ZNF765: variants seen among roughly 807,000 people sequenced by gnomAD.
The protein encoded by ZNF765 is zinc finger protein 765.
A neutral mutation model predicts 44.7 loss-of-function variants in ZNF765; 37 were observed. The observed-to-expected ratio is 0.83, with a 90% CI of 0.64 to 1.09. The LOEUF is 1.09. ZNF765 is among the 50% of genes least tolerant of loss of function. The pLI is 0.00. For missense variants in ZNF765, 594 were observed against 626.1 expected, an observed-to-expected ratio of 0.95 and a Z score of 0.55; for synonymous variants, 201 against 213.7, an observed-to-expected ratio of 0.94 and a Z score of 0.52.
At chr19:53,395,740 C>T (rs1301138893) in intron 1 of ZNF765, among the ~76,000 whole-genome samples, 4 of 152,208 alleles carry the variant, frequency 2.6e-5, no homozygotes, top group Admixed American at 1.3e-4. Context: ...GTGCCCGGGG[C>T]CTGTCCTGTG....
chr19:53,401,817 A>C, intron 2 of ZNF765: 1 of 950,122 alleles, frequency 1.1e-6, no homozygotes, highest in Non-Finnish European at 1.6e-6. Context: ...TGGAGGTTGC[A>C]TTGAGCAGAG....
chr19:53,426,775 C>T (rs2085942310), exon 4 of ZNF765: 1 of 151,824 alleles, frequency 6.6e-6, no homozygotes, highest in Non-Finnish European at 1.5e-5. Flanking sequence ...TGAAACCATC[C>T]CCCCATCTGT....
At chr19:53,403,824 A>G (rs2085750856) in intron 3 of ZNF765, among the ~76,000 whole-genome samples, 1 of 140,276 alleles carries the variant, frequency 7.1e-6, no homozygotes, top group South Asian at 2.5e-4. Flanking sequence ...CCTGGGTGAC[A>G]GCACGAGACT....
intron 3 of ZNF765, among the ~76,000 whole-genome samples, chr19:53,420,559 C>T (rs894693627): frequency 6.6e-6 from 1 of 152,094 alleles, no homozygotes; most frequent in Non-Finnish European, 1.5e-5. Context: ...AGATCAGACT[C>T]TTACTGTGTC....
chr19:53,407,029 C>G (rs1268859374), intron 3 of ZNF765, among the ~76,000 whole-genome samples: 1 of 151,442 alleles, frequency 6.6e-6, no homozygotes, highest in Non-Finnish European at 1.5e-5. Context: ...CATTTTTTTT[C>G]AAGATGGAAT....
At position 53,408,423 on chromosome 19, in the gene ZNF765, C is replaced by T. The variant is rs199648986; in HGVS notation, c.868C>T (p.Arg290Cys). 2.3e-4 allele frequency: 365 copies of T among 1,613,920 alleles called. No individual in the cohort carries two copies. Among genetic ancestry groups the T allele is most frequent in the African/African-American group, 9.2e-4 (69 of 74,982 alleles). Residue 290 changes from arginine (R) to cysteine (C), a missense_variant, in exon 4 of 4, where the codon CGT becomes TGT. Physicochemically the swap from Arg to Cys is radical, Grantham distance 180 (BLOSUM62 -3). This residue lies in a region of ZNF765 where 567 missense variants were observed against 572.6 expected (regional missense o/e 0.99). Coordinates refer to ENST00000396408, the MANE Select transcript of ZNF765 (RefSeq NM_001040185.3). ...FSQTYYLTCH[R>C]RLHTGEKPYK... is the part of the protein sequence containing the mutation. ...TCAGACATATTACCTAACATGCCAT[C>T]GTAGACTTCATACTGGAGAGAAACC... is the stretch of plus-strand genomic sequence containing the variant.
intron 1 of ZNF765, among the ~76,000 whole-genome samples, chr19:53,396,751 T>C (rs1302701240): frequency 1.4e-5 from 2 of 146,960 alleles, no homozygotes; most frequent in African/African-American, 2.5e-5. Context: ...CTGTTAGTTT[T>C]TTGGAGTGAA....
intron 3 of ZNF765, among the ~76,000 whole-genome samples, chr19:53,403,649 G>T (rs532299025): frequency 6.6e-6 from 1 of 152,290 alleles, no homozygotes; most frequent in African/African-American, 2.4e-5. Context: ...TTCAAAACCA[G>T]CCTGCCTAAC....
At chr19:53,420,765 A>G (rs2085902181) in intron 3 of ZNF765, among the ~76,000 whole-genome samples, 1 of 152,142 alleles carries the variant, frequency 6.6e-6, no homozygotes, top group Non-Finnish European at 1.5e-5. Context: ...TGCAGGCAGT[A>G]TGCTTGGTAA....
rs2085689326 is a variant in ZNF765 at position 53,398,170 on chromosome 19, C to A, written c.15+140C>A. On this transcript the variant is annotated intron_variant, in intron 2 of 3. Transcript: ENST00000396408. Reference sequence around the variant, plus strand: ...TCACCCATGCCTTCCTTCATTCCCTCTTATCTTGCTTAGATTCCATCTCCC... The same window carrying A: ...TCACCCATGCCTTCCTTCATTCCCTATTATCTTGCTTAGATTCCATCTCCC... 13 of 1,489,296 alleles carry A rather than the reference C, an allele frequency of 8.7e-6. No homozygotes were observed. In the East Asian group the frequency reaches 2.9e-4, roughly 34 times the overall value. The allele number at this position is 1,489,296 out of a possible 1,614,324, so 92.3% of individuals were successfully genotyped here. A position where few individuals can be genotyped will look rare whatever the true frequency, so the allele number is the denominator to read the frequency against.
chr19:53,396,454 A>T (rs2085671581), intron 1 of ZNF765, among the ~76,000 whole-genome samples: 1 of 152,260 alleles, frequency 6.6e-6, no homozygotes, highest in Non-Finnish European at 1.5e-5. Flanking sequence ...AGGCTTACAG[A>T]AGCAAAATAA....
rs2085794529 is a variant in ZNF765, at chr19:53,408,160, T to C, written c.605T>C (p.Phe202Ser). ...YGNNFLNSSL[F>S]TQKQEVHMRE... ...AATAATTTCCTGAATTCTTCATTAT[T>C]CACACAAAAACAGGAAGTACATATG... The change falls in exon 4 of 4, where the codon TTC becomes TCC. Residue 202 changes from phenylalanine (F) to serine (S), a missense_variant. By Grantham distance (155) the Phe-to-Ser change is radical. Around this residue, in one of 2 missense-constraint regions of ZNF765, gnomAD observed 567 missense variants for 572.6 expected, o/e 0.99. Coordinates refer to ENST00000396408, the MANE Select transcript of ZNF765 (RefSeq NM_001040185.3). 3.1e-6 allele frequency: 5 copies of C among 1,613,942 alleles called. No individual in the cohort carries two copies. The highest frequency in any genetic ancestry group is 4.2e-6 in the Non-Finnish European group (5 of 1,179,928).
intron 3 of ZNF765, among the ~76,000 whole-genome samples, chr19:53,405,785 G>GTGTTTTTTTT (rs2085767121): frequency 6.6e-6 from 1 of 150,842 alleles, no homozygotes; most frequent in African/African-American, 2.4e-5. Flanking sequence ...TATTGTTTGT[G>GTGTTTTTTTT]TTTTTATTGT....
chr19:53,400,000 A>T (rs2085707381), intron 2 of ZNF765, among the ~76,000 whole-genome samples: 1 of 151,972 alleles, frequency 6.6e-6, no homozygotes, highest in African/African-American at 2.4e-5. Flanking sequence ...TTTTTAGTAG[A>T]GACAGGGTTT....
chr19:53,414,026 A>C (rs1041197530), downstream of ZNF765, among the ~76,000 whole-genome samples: 1 of 149,768 alleles, frequency 6.7e-6, no homozygotes, highest in Non-Finnish European at 1.5e-5. Context: ...GGATCACCTG[A>C]GGTTGGGACT....
chr19:53,426,838 C>T (rs1156462724), exon 4 of ZNF765: 23 of 152,000 alleles, frequency 1.5e-4, no homozygotes, highest in Admixed American at 1.2e-3. Context: ...CACTGGGAAC[C>T]GCTAATCTAG....
At chr19:53,413,357 T>G (rs892169941), downstream of ZNF765, 1 of 576,058 alleles carries the variant, frequency 1.7e-6, no homozygotes, top group African/African-American at 1.9e-5. Flanking sequence ...GAATTGCACG[T>G]GAGATGGCAC....
In ZNF765 at chr19:53,402,105, A is replaced by C; in HGVS notation, c.56A>C (p.Gln19Pro). 1.2e-6 allele frequency: 2 copies of C among 1,614,062 alleles called. No homozygotes were observed. The highest frequency in any genetic ancestry group is 1.3e-5 in the African/African-American group (1 of 75,032). Residue 19 changes from glutamine (Q) to proline (P), a missense_variant, in exon 3 of 4, where the codon CAG becomes CCG. Physicochemically the swap from Gln to Pro is moderately conservative, Grantham distance 76 (BLOSUM62 -1). Coordinates refer to ENST00000396408, the MANE Select transcript of ZNF765 (RefSeq NM_001040185.3). ...TFRDVAIEFS[Q>P]EEWKCLDPAQ... is the part of the protein sequence containing the mutation. ...AGGGATGTGGCCATAGAATTCTCTC[A>C]GGAGGAGTGGAAATGCCTGGACCCT...
At chr19:53,416,036 C>T (rs2085872934), downstream of ZNF765, among the ~76,000 whole-genome samples, 1 of 152,078 alleles carries the variant, frequency 6.6e-6, no homozygotes, top group Non-Finnish European at 1.5e-5. Context: ...CTCACTGCAA[C>T]CTCTGCCTCC....
Sources: allele counts gnomAD v4.1 joint callset (sites outside exome capture counted in the v4.1 genomes callset), GRCh38; gene constraint gnomAD v4.1.1; regional missense constraint gnomAD v4.1.1; transcripts MANE v1.5; gene names NCBI Gene and HGNC (gene_info 2026-07-23, HGNC 2026-07-21).